BCLAF1: variants seen among roughly 807,000 people sequenced by gnomAD.
The protein encoded by BCLAF1 is BCL2 associated transcription factor 1.
In BCLAF1, 10 loss-of-function variants were observed where a neutral mutation model predicts 99.5. The ratio of observed to expected loss-of-function variants is 0.10; its 90% CI spans 0.06 to 0.17. The LOEUF is 0.17. Ranked by LOEUF, BCLAF1 falls within the 10% of genes least tolerant of loss-of-function variation. The pLI, the probability that BCLAF1 is intolerant of heterozygous loss-of-function variation, is 1.00. For synonymous variants in BCLAF1, 255 were observed against 370.9 expected, an observed-to-expected ratio of 0.69 and a Z score of 3.59; for missense variants, 636 against 1,105.8, an observed-to-expected ratio of 0.58 and a Z score of 6.02.
chr6:136,287,956 G>A (rs1159733424), intron 1 of BCLAF1, among the ~76,000 whole-genome samples: 1 of 152,188 alleles, frequency 6.6e-6, no homozygotes, highest in African/African-American at 2.4e-5. Context: ...GGAGACGGAG[G>A]CTGCAGTGAG....
At chr6:136,267,349 C>A (rs917751400) in intron 10 of BCLAF1, among the ~76,000 whole-genome samples, 174 bp from the exon 11 acceptor site, 5 of 151,920 alleles carry the variant, frequency 3.3e-5, no homozygotes, top group African/African-American at 1.2e-4. Context: ...AAAATTTCTG[C>A]CAACTAAAAG....
chr6:136,280,768 C>A (rs1784282723), intron 2 of BCLAF1, among the ~76,000 whole-genome samples: 1 of 152,164 alleles, frequency 6.6e-6, no homozygotes, highest in South Asian at 2.1e-4. Flanking sequence ...CAAATCACTG[C>A]ATGCATATCC....
rs965146324 is a variant in BCLAF1 at position 136,256,632 on chromosome 6, C to T, written c.*4478G>A. 98 of 155,092 alleles carry T rather than the reference C, an allele frequency of 6.3e-4. 2 individuals carry two copies. Among genetic ancestry groups the T allele is most frequent in the Middle Eastern group, 3.0e-3 (1 of 338 alleles). 9.6% of individuals were successfully genotyped at this position (155,092 alleles called of 1,614,324 possible). ...GGCGGAGGTTGCAGTGAGCCGAGCT[C>T]GAGCCACTGCACTCTAGTCTGGGTA... On this transcript the variant is annotated 3_prime_UTR_variant, in exon 13 of 13. Coordinates refer to ENST00000531224, the MANE Select transcript of BCLAF1 (RefSeq NM_014739.3).
chr6:136,272,597 C>G (rs797558), intron 7 of BCLAF1, among the ~76,000 whole-genome samples: 28,007 of 151,760 alleles, frequency 0.18, 2,857 homozygotes, highest in African/African-American at 0.28. Context: ...TCACTGCCAC[C>G]CTGCAAAACT....
rs184023856 is a variant in BCLAF1 at position 136,262,732 on chromosome 6, T to C, written c.2545-1255A>G. On this transcript the variant is annotated intron_variant, in intron 11 of 12. Transcript: ENST00000531224. ...AAACCCAAAATAAACTACTTTAAAATAGTCTGCCACTAAAAATAATGCCCA... is the reference window on the plus strand; with the variant it reads ...AAACCCAAAATAAACTACTTTAAAACAGTCTGCCACTAAAAATAATGCCCA... 7.4e-4 allele frequency among the ~76,000 whole-genome samples: 112 copies of C among 152,308 alleles called. No homozygotes were observed. In the Middle Eastern group the frequency reaches 0.02, roughly 28 times the overall value.
At position 136,273,295 on chromosome 6, in the gene BCLAF1, C is replaced by G. The variant is rs1782803364; in HGVS notation, c.1853-108G>C. On this transcript the variant is annotated intron_variant, in intron 6 of 12. Transcript: ENST00000531224. ...GTGAAAAGAAAATAAAAATAAGAAA[C>G]CTAGCAAAAGAGAATCAAGTGTTAC... 9 of 931,664 alleles carry G rather than the reference C, an allele frequency of 9.7e-6. No individual in the cohort carries two copies. In the East Asian group the frequency reaches 2.2e-4, roughly 23 times the overall value. The allele number at this position is 931,664 out of a possible 1,614,324, so 57.7% of individuals were successfully genotyped here. A position where few individuals can be genotyped will look rare whatever the true frequency, so the allele number is the denominator to read the frequency against.
At chr6:136,265,896 A>C (rs1781643369) in intron 11 of BCLAF1, among the ~76,000 whole-genome samples, 1 of 152,170 alleles carries the variant, frequency 6.6e-6, no homozygotes, top group Non-Finnish European at 1.5e-5. Context: ...TAGCATAAAC[A>C]TGTCTGTTAA....
In BCLAF1 at chr6:136,266,044, CTT is replaced by C. The variant is rs551736559; in HGVS notation, c.2544+983_2544+984del. On this transcript the variant is annotated intron_variant, in intron 11 of 12. Coordinates refer to ENST00000531224, the MANE Select transcript of BCLAF1 (RefSeq NM_014739.3). ...ACATTATGCATAACGCACTCTGTAA[CTT>C]TTTTTTTTTGGTTCTTGGTCATTAA... Among the ~76,000 whole-genome samples the C allele has an allele frequency of 2.4e-4, 35 of 147,242 alleles. No homozygotes were observed. The South Asian group carries it at 7.1e-3, about 30-fold the overall frequency.
chr6:136,274,971 A>T (rs1180738100), intron 6 of BCLAF1, among the ~76,000 whole-genome samples: 1 of 152,036 alleles, frequency 6.6e-6, no homozygotes, highest in Non-Finnish European at 1.5e-5. Flanking sequence ...TATACTTCTA[A>T]ATTTCTTGAA....
intron 11 of BCLAF1, among the ~76,000 whole-genome samples, chr6:136,262,809 G>C (rs1184021340): frequency 6.6e-6 from 1 of 152,068 alleles, no homozygotes; most frequent in Non-Finnish European, 1.5e-5. Flanking sequence ...CCCAACTCCA[G>C]AGGCTGTGTT....
At chr6:136,281,369 T>C (rs974196178) in intron 2 of BCLAF1, among the ~76,000 whole-genome samples, 8 of 152,190 alleles carry the variant, frequency 5.3e-5, no homozygotes, top group African/African-American at 1.9e-4. Context: ...AACTGTAGTT[T>C]TGACAACATA....
rs1783297098 is a variant in BCLAF1 at position 136,276,041 on chromosome 6, T to C, written c.1484A>G (p.Gln495Arg). 1 of 1,606,614 alleles carries C rather than the reference T, an allele frequency of 6.2e-7. No homozygotes were observed. Among genetic ancestry groups the C allele is most frequent in the African/African-American group, 1.3e-5 (1 of 74,244 alleles). Reference sequence around the variant, plus strand: ...TTCAGACTTTACCTGCTCAGGTGACTGAGTTTCTTTCTTTACTGTTATTCT... The same window carrying C: ...TTCAGACTTTACCTGCTCAGGTGACCGAGTTTCTTTCTTTACTGTTATTCT... The part of the protein sequence containing the change: ...SERITVKKET[Q>R]SPEQVKSEKL... Residue 495 changes from glutamine to arginine, a missense_variant, in exon 5 of 13, where the codon CAG becomes CGG. Coordinates refer to ENST00000531224, the MANE Select transcript of BCLAF1 (RefSeq NM_014739.3).
chr6:136,256,685 AAATAAATAAATAAATAAATAAAT>A lies in BCLAF1; in HGVS notation c.*4402_*4424del, dbSNP rs1780500459. ...ACTCCATCTCAATAAATAAATAAAT[AAATAAATAAATAAATAAATAAAT>A]AATTCAAAGTGCATTTAACATTCTT... On this transcript the variant is annotated 3_prime_UTR_variant, in exon 13 of 13. Coordinates refer to ENST00000531224, the MANE Select transcript of BCLAF1 (RefSeq NM_014739.3). 6.5e-6 allele frequency: 1 copy of A among 153,696 alleles called. No individual in the cohort carries two copies. Among genetic ancestry groups the A allele is most frequent in the African/African-American group, 3.0e-5 (1 of 33,764 alleles). The allele number at this position is 153,696 out of a possible 1,614,324, so 9.5% of individuals were successfully genotyped here.
chr6:136,275,441 TG>T, intron 6 of BCLAF1, 90 bp downstream of exon 6: 1 of 1,268,308 alleles, frequency 7.9e-7, no homozygotes, highest in East Asian at 2.6e-5. Context: ...TTGCTAGCCC[TG>T]GGGTACATGA....
rs565130105 is a variant in BCLAF1, at chr6:136,274,849, T to TA, written c.1852+682dup. On this transcript the variant is annotated intron_variant, in intron 6 of 12. Transcript: ENST00000531224. ...CTATAATTACATACTGGTAAAAATT[T>TA]AAAAAAAAAAATCATTACTTTAGTT... 9.0e-3 allele frequency among the ~76,000 whole-genome samples: 1,329 copies of TA among 147,952 alleles called. 24 individuals carry two copies. The highest frequency in any genetic ancestry group is 0.029 in the African/African-American group (1,175 of 40,522).
In BCLAF1 at chr6:136,281,840, A is replaced by G. The variant is rs544297999; in HGVS notation, c.-11+744T>C. ...AGCTGGGCTTGTGGCACACGAGCAC[A>G]ACAGGTATTTAATAAATAACTATAA... On this transcript the variant is annotated intron_variant, in intron 2 of 12. Coordinates refer to ENST00000531224, the MANE Select transcript of BCLAF1 (RefSeq NM_014739.3). Among the ~76,000 whole-genome samples, 4 of 152,336 alleles carry G rather than the reference A, an allele frequency of 2.6e-5. No individual in the cohort carries two copies. The South Asian group carries it at 8.3e-4, about 32-fold the overall frequency.
chr6:136,262,339 C>T (rs1042693544), intron 11 of BCLAF1, among the ~76,000 whole-genome samples: 4 of 152,046 alleles, frequency 2.6e-5, no homozygotes, highest in African/African-American at 7.2e-5. Flanking sequence ...AAGCAAAATG[C>T]CCCTTTATTA....
intron 7 of BCLAF1, 150 bp from the exon 8 acceptor site, chr6:136,272,229 C>A: frequency 1.9e-6 from 1 of 522,850 alleles, no homozygotes; most frequent in Non-Finnish European, 3.3e-6. Context: ...TTATAATACA[C>A]AATTAAGAAA....
intron 1 of BCLAF1, 72 bp downstream of exon 1, chr6:136,289,641 A>G (rs1306980978): frequency 1.3e-5 from 2 of 152,420 alleles, no homozygotes; most frequent in African/African-American, 4.8e-5. Context: ...CCACCCACAA[A>G]AGAGTCAAAA....
Sources: allele counts gnomAD v4.1 joint callset (sites outside exome capture counted in the v4.1 genomes callset), GRCh38; gene constraint gnomAD v4.1.1; transcripts MANE v1.5; gene names NCBI Gene and HGNC (gene_info 2026-07-23, HGNC 2026-07-21).